NRG1: variants seen among roughly 807,000 people sequenced by gnomAD.
NRG1 encodes the protein pro-neuregulin-1, membrane-bound isoform.
In NRG1, 18 loss-of-function variants were observed where a neutral mutation model predicts 63.8. The observed-to-expected ratio is 0.28, with a 90% CI of 0.19 to 0.42. The LOEUF (loss-of-function observed/expected upper bound fraction) is 0.42. NRG1 is among the 10% of genes least tolerant of loss of function. The probability of loss-of-function intolerance (pLI) is 1.00; values close to 1 mark genes in which losing one functional copy is unlikely to be tolerated. For synonymous variants in NRG1, 302 were observed against 301.3 expected, an observed-to-expected ratio of 1.00 and a Z score of -0.02; for missense variants, 762 against 814.7, an observed-to-expected ratio of 0.94 and a Z score of 0.79.
intron 1 of NRG1, among the ~76,000 whole-genome samples, chr8:32,370,273 T>C (rs1808634309): frequency 6.6e-6 from 1 of 152,144 alleles, no homozygotes. Flanking sequence ...AGGTTTAAAA[T>C]ATATAGTCTA....
At position 31,912,247 on chromosome 8, in the gene NRG1, G is replaced by GTT. The variant is rs563550259; in HGVS notation, c.37+272821_37+272822dup. On this transcript the variant is annotated intron_variant, in intron 1 of 10. Coordinates refer to the NRG1 transcript ENST00000519301. ...GCTGATGTGTTTATGATTGATAACTGTTTTTTGTCAGCTTTTTAATTTTAG... is the reference window on the plus strand; with the variant it reads ...GCTGATGTGTTTATGATTGATAACTGTTTTTTTTGTCAGCTTTTTAATTTTAG... 4.9e-3 allele frequency among the ~76,000 whole-genome samples: 748 copies of GTT among 152,234 alleles called. 2 individuals carry two copies. The highest frequency in any genetic ancestry group is 0.017 in the African/African-American group (692 of 41,546).
intron 1 of NRG1, among the ~76,000 whole-genome samples, chr8:32,087,633 G>T (rs997237093): frequency 1.3e-5 from 2 of 151,876 alleles, no homozygotes; most frequent in Non-Finnish European, 2.9e-5. Flanking sequence ...CCCACGCCCA[G>T]CTAATTTTTG....
intron 1 of NRG1, among the ~76,000 whole-genome samples, chr8:32,483,055 C>G (rs972768883): frequency 1.3e-5 from 2 of 152,260 alleles, no homozygotes; most frequent in Non-Finnish European, 2.9e-5. Context: ...ATGTTACACA[C>G]TCAATTCATG....
chr8:32,451,261 A>T (rs1820908599), intron 1 of NRG1, among the ~76,000 whole-genome samples: 1 of 152,196 alleles, frequency 6.6e-6, no homozygotes, highest in Non-Finnish European at 1.5e-5. Context: ...TTGCTTGATA[A>T]CATGATTCTT....
At chr8:31,916,783 G>A (rs1033710388) in intron 1 of NRG1, among the ~76,000 whole-genome samples, 4 of 151,928 alleles carry the variant, frequency 2.6e-5, no homozygotes, top group Admixed American at 1.3e-4. Flanking sequence ...TCGCCACACT[G>A]ACTTCCACAA....
chr8:32,189,998 A>C (rs1842331916), intron 1 of NRG1, among the ~76,000 whole-genome samples: 1 of 152,158 alleles, frequency 6.6e-6, no homozygotes, highest in South Asian at 2.1e-4. Flanking sequence ...TGTACATTTC[A>C]GTCCTTCTTC....
At chr8:32,607,254 C>T (rs1845427628) in intron 3 of NRG1, among the ~76,000 whole-genome samples, 1 of 152,126 alleles carries the variant, frequency 6.6e-6, no homozygotes, top group African/African-American at 2.4e-5. Flanking sequence ...CTACCTGAAA[C>T]ACACATTAAA....
chr8:31,903,662 G>A (rs538365350), intron 1 of NRG1, among the ~76,000 whole-genome samples: 4 of 152,188 alleles, frequency 2.6e-5, no homozygotes, highest in South Asian at 4.2e-4. Context: ...ATTCACTTAA[G>A]ATTTTATCTT....
intron 5 of NRG1, among the ~76,000 whole-genome samples, chr8:32,689,620 A>C (rs771270585): frequency 6.6e-6 from 1 of 152,156 alleles, no homozygotes; most frequent in Non-Finnish European, 1.5e-5. Flanking sequence ...ACATATATAC[A>C]TATACTTTAT....
At chr8:32,587,435 T>A (rs1280541055) in intron 1 of NRG1, among the ~76,000 whole-genome samples, 1 of 152,092 alleles carries the variant, frequency 6.6e-6, no homozygotes, top group Non-Finnish European at 1.5e-5. Context: ...GTAAAGATAA[T>A]ACGACTTACT....
chr8:31,777,713 G>A (rs1452259725), intron 1 of NRG1, among the ~76,000 whole-genome samples: 1 of 152,172 alleles, frequency 6.6e-6, no homozygotes, highest in East Asian at 1.9e-4. Flanking sequence ...TCCACCCATG[G>A]CAGAAGGAAA....
intron 1 of NRG1, among the ~76,000 whole-genome samples, chr8:31,787,391 G>T (rs908707633): frequency 6.6e-6 from 1 of 152,044 alleles, no homozygotes. Flanking sequence ...TCTTTGACCT[G>T]GTGAATTTCT....
intron 1 of NRG1, among the ~76,000 whole-genome samples, chr8:32,409,206 A>T (rs1814539431): frequency 6.6e-6 from 1 of 152,158 alleles, no homozygotes; most frequent in Admixed American, 6.5e-5. Context: ...CCATATGCAG[A>T]ACAATGAAAC....
intron 5 of NRG1, among the ~76,000 whole-genome samples, chr8:32,707,446 G>A (rs976230972): frequency 2.6e-5 from 4 of 151,998 alleles, no homozygotes; most frequent in African/African-American, 9.7e-5. Flanking sequence ...GAGCAATTGA[G>A]GGGAGAAGGA....
intron 1 of NRG1, chr8:31,639,936 C>A (rs1022121483): frequency 2.7e-6 from 3 of 1,120,988 alleles, no homozygotes; most frequent in East Asian, 4.9e-5. Flanking sequence ...CGCGAGAGAG[C>A]CGGGCAGAGT....
chr8:31,906,101 T>C (rs1488701675), intron 1 of NRG1, among the ~76,000 whole-genome samples: 1 of 152,188 alleles, frequency 6.6e-6, no homozygotes, highest in Non-Finnish European at 1.5e-5. Flanking sequence ...AACAGCTTCA[T>C]GGAATGACCC....
At chr8:32,022,463 A>G (rs1346569372) in intron 1 of NRG1, among the ~76,000 whole-genome samples, 1 of 152,162 alleles carries the variant, frequency 6.6e-6, no homozygotes, top group Non-Finnish European at 1.5e-5. Flanking sequence ...TAATGCTGAA[A>G]TTTTGATACT....
chr8:32,052,836 T>C (rs560274111), intron 1 of NRG1, among the ~76,000 whole-genome samples: 3 of 152,312 alleles, frequency 2.0e-5, no homozygotes, highest in African/African-American at 7.2e-5. Context: ...ATGCTCATTA[T>C]AGACAGTCTG....
chr8:31,820,962 A>G (rs1823947773), intron 1 of NRG1, among the ~76,000 whole-genome samples: 2 of 152,168 alleles, frequency 1.3e-5, no homozygotes, highest in African/African-American at 4.8e-5. Flanking sequence ...GATGTCCCAG[A>G]GATACCAAAA....
Sources: allele counts gnomAD v4.1 joint callset (sites outside exome capture counted in the v4.1 genomes callset), GRCh38; gene constraint gnomAD v4.1.1; transcripts MANE v1.5; gene names NCBI Gene and HGNC (gene_info 2026-07-23, HGNC 2026-07-21).